Variants in RUVBL1 observed in about 807,000 individuals in gnomAD.
RUVBL1 encodes the protein RuvB like AAA ATPase 1.
Under a neutral mutation model 52.4 loss-of-function variants are expected in RUVBL1, and 4 were observed. The ratio of observed to expected loss-of-function variants is 0.08; its 90% CI spans 0.04 to 0.17. The LOEUF (loss-of-function observed/expected upper bound fraction) is 0.17. RUVBL1 is among the 10% of genes least tolerant of loss of function. The pLI, the probability that RUVBL1 is intolerant of heterozygous loss-of-function variation, is 1.00. For missense variants in RUVBL1, 298 were observed against 572.8 expected (o/e 0.52, Z 4.90); for synonymous variants, 217 against 214.4 (o/e 1.01, Z -0.10).
chr3:128,150,624 C>G (rs1346892075), intron 1 of RUVBL1, among the ~76,000 whole-genome samples: 1 of 99,528 alleles, frequency 1.0e-5, no homozygotes, highest in Non-Finnish European at 2.0e-5. Flanking sequence ...AATATATATT[C>G]TATGTATATA....
Position 128,081,055 on chromosome 3 carries a change from G to C in RUVBL1, c.*195C>G. On this transcript the variant is annotated 3_prime_UTR_variant, in exon 11 of 11. Coordinates refer to ENST00000322623, the MANE Select transcript of RUVBL1 (RefSeq NM_003707.3). This position sits in a 1 kb window ranked among gnomAD's most constrained non-coding sequence, Gnocchi z 4.8. ...GATTTATAGAAAACACACCAGGTAA[G>C]GAAGGGTTCTTTCAAAGCAACCACA... 1 of 533,668 alleles carries C rather than the reference G, an allele frequency of 1.9e-6. No homozygotes were observed. The highest frequency in any genetic ancestry group is 3.3e-6 in the Non-Finnish European group (1 of 304,168). 33.1% of individuals were successfully genotyped at this position (533,668 alleles called of 1,614,324 possible).
chr3:128,140,497 G>A (rs925670387), intron 1 of RUVBL1, among the ~76,000 whole-genome samples: 2 of 151,964 alleles, frequency 1.3e-5, no homozygotes, highest in Non-Finnish European at 1.5e-5. Flanking sequence ...GGGCCAAAAG[G>A]GATAGAGATG....
At chr3:128,117,619 T>TG (rs1576473134) in intron 2 of RUVBL1, among the ~76,000 whole-genome samples, 1 of 151,536 alleles carries the variant, frequency 6.6e-6, no homozygotes, top group South Asian at 2.1e-4. Context: ...TTTTTTTGTT[T>TG]TTTTTTTTTT....
intron 4 of RUVBL1, among the ~76,000 whole-genome samples, chr3:128,103,339 GC>G (rs1446521004): frequency 1.3e-5 from 2 of 152,158 alleles, no homozygotes; most frequent in Admixed American, 1.3e-4. Flanking sequence ...GGTGGCAGAT[GC>G]TACTGAGAAA....
In RUVBL1 at chr3:128,067,366, G is replaced by T. The variant is rs142087369; in HGVS notation, c.940-2146C>A. 1.3e-6 allele frequency: 2 copies of T among 1,548,642 alleles called. No individual in the cohort carries two copies. The highest frequency in any genetic ancestry group is 1.9e-5 in the Admixed American group (1 of 51,940). ...ATCTGCTCAGAACTATTTTTGCCTT[G>T]ATGCTAAAGTAAAATGAAGGAGCAC... On this transcript the variant is annotated intron_variant, in intron 9 of 9. Coordinates refer to the RUVBL1 transcript ENST00000464873. This position sits in a 1 kb window ranked among gnomAD's most constrained non-coding sequence, Gnocchi z 4.1.
At chr3:128,086,067 G>A (rs1017641189) in intron 9 of RUVBL1, among the ~76,000 whole-genome samples, 1 of 152,154 alleles carries the variant, frequency 6.6e-6, no homozygotes, top group Non-Finnish European at 1.5e-5. Context: ...CACCATCACA[G>A]CTCACTGCAG....
At chr3:128,101,800 G>C in intron 4 of RUVBL1, 152 bp from the exon 5 acceptor site, 2 of 716,658 alleles carry the variant, frequency 2.8e-6, no homozygotes, top group Non-Finnish European at 4.8e-6. Context: ...ACCTGCAGGA[G>C]TGTGAATGCA....
chr3:128,150,839 CTATATATATTCTATATATTATATATTA>C (rs1944183296), intron 1 of RUVBL1, among the ~76,000 whole-genome samples: 1 of 66,082 alleles, frequency 1.5e-5, no homozygotes, highest in Non-Finnish European at 2.7e-5. Context: ...ATTATATATT[CTATATATATTCTATATATTATATATTA>C]TATATATATA....
chr3:128,138,549 A>C (rs1440596520), intron 1 of RUVBL1, among the ~76,000 whole-genome samples: 1 of 152,126 alleles, frequency 6.6e-6, no homozygotes, highest in Non-Finnish European at 1.5e-5. Flanking sequence ...CAGGAAATTG[A>C]AGAGGCCACA....
intron 1 of RUVBL1, among the ~76,000 whole-genome samples, chr3:128,122,718 G>A (rs2107721126): frequency 6.6e-6 from 1 of 152,302 alleles, no homozygotes; most frequent in Admixed American, 6.5e-5. Context: ...CAAAGGCCAA[G>A]GGGCATGGCT....
chr3:128,147,179 C>T (rs1169227200), intron 1 of RUVBL1, among the ~76,000 whole-genome samples: 2 of 152,254 alleles, frequency 1.3e-5, no homozygotes, highest in East Asian at 1.9e-4. Flanking sequence ...AAGGGATCCG[C>T]GCACCTCAGC....
chr3:128,112,092 G>T (rs191220248), intron 3 of RUVBL1, among the ~76,000 whole-genome samples: 1 of 152,322 alleles, frequency 6.6e-6, no homozygotes, highest in East Asian at 1.9e-4. Context: ...GCAGATCTGA[G>T]GGAAACTAGG....
chr3:128,106,016 T>C (rs1943227063), intron 3 of RUVBL1, among the ~76,000 whole-genome samples: 2 of 152,076 alleles, frequency 1.3e-5, no homozygotes, highest in Non-Finnish European at 2.9e-5. Flanking sequence ...ATTACAGGCG[T>C]GCACCACCAC....
At position 128,140,228 on chromosome 3, in the gene RUVBL1, G is replaced by GTTTTTTTTTTTTTTT. The variant is rs372296453; in HGVS notation, c.-40+12974_-40+12975insAAAAAAAAAAAAAAA. Among the ~76,000 whole-genome samples, 4 of 53,446 alleles carry GTTTTTTTTTTTTTTT rather than the reference G, an allele frequency of 7.5e-5. 1 individual carries two copies. The highest frequency in any genetic ancestry group is 1.8e-4 in the African/African-American group (4 of 21,632). 35.1% of individuals were successfully genotyped at this position (53,446 alleles called of 152,430 possible). On this transcript the variant is annotated intron_variant, in intron 1 of 9. Coordinates refer to the RUVBL1 transcript ENST00000464873. ...TGATATGATACAAGTTTTTTTGTTT[G>GTTTTTTTTTTTTTTT]TTTGTTTTTTTTTTTTTTGAGACGG...
chr3:128,069,910 A>T lies in RUVBL1; in HGVS notation c.940-4690T>A, dbSNP rs988329526. 2.3e-5 allele frequency: 11 copies of T among 473,164 alleles called. 1 individual carries two copies. The South Asian group carries it at 2.7e-4, about 12-fold the overall frequency. The allele number at this position is 473,164 out of a possible 1,614,324, so 29.3% of individuals were successfully genotyped here. A position where few individuals can be genotyped will look rare whatever the true frequency, so the allele number is the denominator to read the frequency against. Reference sequence around the variant, plus strand: ...CGACTGCCAGAGAAGTGGGAATGGTATAGGATTGTCCCCAAGTGTCCATGT... The same window carrying T: ...CGACTGCCAGAGAAGTGGGAATGGTTTAGGATTGTCCCCAAGTGTCCATGT... On this transcript the variant is annotated intron_variant, in intron 9 of 9. Coordinates refer to the RUVBL1 transcript ENST00000464873.
rs1252524366 is a variant in RUVBL1 at position 128,121,386 on chromosome 3, A to G, written c.142-1972T>C. Reference sequence around the variant, plus strand: ...GCTGGGATTACAGGTGTGAGCCACTACGCCCGGCCCAGATGCTATATTTCT... The same window carrying G: ...GCTGGGATTACAGGTGTGAGCCACTGCGCCCGGCCCAGATGCTATATTTCT... On this transcript the variant is annotated intron_variant, in intron 1 of 10. Coordinates refer to ENST00000322623, the MANE Select transcript of RUVBL1 (RefSeq NM_003707.3). Among the ~76,000 whole-genome samples the G allele has an allele frequency of 4.0e-5, 6 of 148,980 alleles. No individual in the cohort carries two copies. In the East Asian group the frequency reaches 1.3e-3, roughly 32 times the overall value.
chr3:128,151,056 A>G (rs1382561577), intron 1 of RUVBL1, among the ~76,000 whole-genome samples: 19 of 106,264 alleles, frequency 1.8e-4, no homozygotes, highest in Admixed American at 2.8e-4. Flanking sequence ...TATTCTATAT[A>G]TATTATATGT....
upstream of RUVBL1, among the ~76,000 whole-genome samples, chr3:128,126,904 C>T (rs1398434049): frequency 2.0e-5 from 3 of 152,174 alleles, no homozygotes; most frequent in Admixed American, 6.5e-5. Flanking sequence ...GTAGTTTGGG[C>T]GAACTGACCC....
At position 128,119,283 on chromosome 3, in the gene RUVBL1, G is replaced by T. The variant is rs142468295; in HGVS notation, c.228+45C>A. On this transcript the variant is annotated intron_variant, in intron 2 of 10. Coordinates refer to ENST00000322623, the MANE Select transcript of RUVBL1 (RefSeq NM_003707.3). ...GAATTCAATTTGGCTTAGACACTAG[G>T]ATCATTCTCCTGGGTAGATTTAAAA... 476 of 1,489,882 alleles carry T rather than the reference G, an allele frequency of 3.2e-4. 2 individuals are homozygous for T. In the African/African-American group the frequency reaches 5.6e-3, roughly 17 times the overall value. 92.3% of individuals were successfully genotyped at this position (1,489,882 alleles called of 1,614,324 possible). A position where few individuals can be genotyped will look rare whatever the true frequency, so the allele number is the denominator to read the frequency against.
Sources: gnomAD v4.1 joint callset for allele counts (sites outside exome capture counted in the v4.1 genomes callset) on GRCh38, gnomAD v4.1.1 for gene constraint, Gnocchi (gnomAD v3.1) non-coding constraint, MANE v1.5 for transcripts, NCBI Gene and HGNC (gene_info 2026-07-23, HGNC 2026-07-21) for gene names.